Variants in NBAS observed in about 807,000 individuals in gnomAD.
NBAS encodes the protein NBAS subunit of NRZ tethering complex.
A neutral mutation model predicts 302.5 loss-of-function variants in NBAS; 219 were observed. That is an observed-to-expected ratio of 0.72 (90% CI 0.65 to 0.81). The LOEUF is 0.81. Among genes scored for constraint, NBAS ranks in the 30% least tolerant of loss-of-function variants. The pLI, the probability that NBAS is intolerant of heterozygous loss-of-function variation, is 0.00. For missense variants in NBAS, 2,932 were observed against 2,841.6 expected (o/e 1.03, Z -0.72); for synonymous variants, 1,118 against 1,021.6 (o/e 1.09, Z -1.80).
At chr2:14,968,300 G>A in the NBAS span, among the ~76,000 whole-genome samples, 1 of 152,094 alleles carries the variant, frequency 6.6e-6, no homozygotes, top group Non-Finnish European at 1.5e-5. Flanking sequence ...TTAAAAGTTG[G>A]CAAAGTCTCT....
intron 35 of NBAS, among the ~76,000 whole-genome samples, chr2:15,335,200 T>C (rs1393412173): frequency 6.8e-6 from 1 of 147,018 alleles, no homozygotes; most frequent in African/African-American, 2.6e-5. Flanking sequence ...AAAAAAAAAT[T>C]GTTCAAGTCA....
intron 21 of NBAS, among the ~76,000 whole-genome samples, chr2:15,449,537 A>G (rs939501734): frequency 3.3e-5 from 5 of 152,094 alleles, no homozygotes; most frequent in African/African-American, 1.2e-4. Context: ...CAAAAAAACT[A>G]CTCTGAAATA....
At chr2:15,175,261 G>C (rs903084946) in intron 51 of NBAS, among the ~76,000 whole-genome samples, 1 of 152,030 alleles carries the variant, frequency 6.6e-6, no homozygotes, top group Non-Finnish European at 1.5e-5. Flanking sequence ...CACCGTGCCC[G>C]GCCAACACTT....
At chr2:15,068,560 C>A in the NBAS span, among the ~76,000 whole-genome samples, 9 of 151,342 alleles carry the variant, frequency 5.9e-5, no homozygotes, top group Admixed American at 2.6e-4. Context: ...TAGGCAGAGA[C>A]AATGTCTTAA....
chr2:15,016,372 T>C, the NBAS span, among the ~76,000 whole-genome samples: 1 of 152,204 alleles, frequency 6.6e-6, no homozygotes, highest in East Asian at 1.9e-4. Flanking sequence ...TACAGTTTGG[T>C]TGGGGACACA....
chr2:15,114,178 C>T, the NBAS span, among the ~76,000 whole-genome samples: 1 of 152,278 alleles, frequency 6.6e-6, no homozygotes, highest in South Asian at 2.1e-4. Context: ...TATAAGTTTG[C>T]TTGGGCTGCC....
chr2:15,088,835 GTTC>G, the NBAS span, among the ~76,000 whole-genome samples: 1 of 152,356 alleles, frequency 6.6e-6, no homozygotes, highest in African/African-American at 2.4e-5. Context: ...CTGGCCCAGT[GTTC>G]TTCTCATGCC....
intron 47 of NBAS, among the ~76,000 whole-genome samples, chr2:15,231,867 G>C (rs537382668): frequency 2.3e-4 from 35 of 152,236 alleles, no homozygotes; most frequent in African/African-American, 8.2e-4. Context: ...GAATTTCGAG[G>C]ACATGCATAA....
chr2:14,958,040 C>A, the NBAS span, among the ~76,000 whole-genome samples: 1 of 152,220 alleles, frequency 6.6e-6, no homozygotes, highest in African/African-American at 2.4e-5. Flanking sequence ...GGCCCTCTGA[C>A]AGATGTGTGC....
intron 10 of NBAS, 86 bp downstream of exon 10, chr2:15,511,126 A>G (rs1662119935): frequency 4.7e-6 from 7 of 1,490,464 alleles, no homozygotes; most frequent in South Asian, 4.6e-5. Context: ...TTCTTCCTCT[A>G]TATCTTACAA....
the NBAS span, among the ~76,000 whole-genome samples, chr2:14,821,538 C>T: frequency 1.3e-5 from 2 of 152,160 alleles, no homozygotes; most frequent in Admixed American, 1.3e-4. Context: ...CTCAAATCCC[C>T]TGCTATTTTC....
At position 15,285,598 on chromosome 2, in the gene NBAS, T is replaced by G. The variant is rs1363068850; in HGVS notation, c.5138+1475A>C. ...AGATCTGTAAGATCCAACTGCAGACTTGGCCTTTTCTCTCGGCTGTTTCAG... is the reference window on the plus strand; with the variant it reads ...AGATCTGTAAGATCCAACTGCAGACGTGGCCTTTTCTCTCGGCTGTTTCAG... On this transcript the variant is annotated intron_variant, in intron 42 of 51. Transcript: ENST00000281513. 3.3e-5 allele frequency among the ~76,000 whole-genome samples: 5 copies of G among 152,346 alleles called. No individual in the cohort carries two copies. The South Asian group carries it at 8.3e-4, about 25-fold the overall frequency.
the NBAS span, among the ~76,000 whole-genome samples, chr2:14,978,857 G>A: frequency 2.6e-5 from 4 of 151,820 alleles, no homozygotes; most frequent in East Asian, 1.9e-4. Flanking sequence ...TTTCAACCCC[G>A]ATAAATACCT....
At chr2:14,958,227 C>G in the NBAS span, among the ~76,000 whole-genome samples, 3 of 152,216 alleles carry the variant, frequency 2.0e-5, no homozygotes, top group Non-Finnish European at 2.9e-5. Flanking sequence ...GTGGGAGAAG[C>G]CCAGGTGAGA....
chr2:14,914,106 A>T, the NBAS span, among the ~76,000 whole-genome samples: 1 of 152,188 alleles, frequency 6.6e-6, no homozygotes, highest in African/African-American at 2.4e-5. Flanking sequence ...AAATGATCAG[A>T]TCTCATGAGA....
the NBAS span, among the ~76,000 whole-genome samples, chr2:15,002,677 C>G: frequency 6.6e-6 from 1 of 152,198 alleles, no homozygotes; most frequent in African/African-American, 2.4e-5. Flanking sequence ...CGAGCCCTGC[C>G]CGGCGGGAAG....
intron 35 of NBAS, among the ~76,000 whole-genome samples, chr2:15,331,921 G>A (rs1032589988): frequency 6.6e-6 from 1 of 152,194 alleles, no homozygotes; most frequent in African/African-American, 2.4e-5. Context: ...CTAATCACAA[G>A]AGCCCTTAAA....
chr2:15,074,414 G>T, the NBAS span, among the ~76,000 whole-genome samples: 1 of 149,614 alleles, frequency 6.7e-6, no homozygotes, highest in Non-Finnish European at 1.5e-5. Context: ...GGGAAGGAAA[G>T]AAGGAGGGAA....
At chr2:14,825,935 C>G in the NBAS span, among the ~76,000 whole-genome samples, 1 of 152,242 alleles carries the variant, frequency 6.6e-6, no homozygotes, top group Non-Finnish European at 1.5e-5. Context: ...TACGAGTGAG[C>G]AGGATGTGTT....
Sources: allele counts gnomAD v4.1 joint callset (sites outside exome capture counted in the v4.1 genomes callset), GRCh38; gene constraint gnomAD v4.1.1; transcripts MANE v1.5; gene names NCBI Gene and HGNC (gene_info 2026-07-23, HGNC 2026-07-21).